PLTP: variants seen among roughly 807,000 people sequenced by gnomAD.
PLTP encodes the protein phospholipid transfer protein.
Under a neutral mutation model 54.1 loss-of-function variants are expected in PLTP, and 43 were observed. The observed-to-expected ratio is 0.79, with a 90% confidence interval of 0.62 to 1.02. The LOEUF (loss-of-function observed/expected upper bound fraction) is 1.02. Among genes scored for constraint, PLTP ranks in the 50% least tolerant of loss-of-function variants. PLTP has a pLI of 0.00. For missense variants in PLTP, 604 were observed against 645.9 expected (o/e 0.94, Z 0.70); for synonymous variants, 263 against 264.6 (o/e 0.99, Z 0.06).
chr20:45,911,925 C>T (rs2294212), intron 1 of PLTP, 154 bp downstream of exon 1: 1 of 237,672 alleles, frequency 4.2e-6, no homozygotes, highest in East Asian at 1.1e-4. Flanking sequence ...GGTCTCCCGG[C>T]TCCCTCAGGT....
rs1356077193 is a variant in PLTP, at chr20:45,907,952, C to T, written c.486-48G>A. The T allele has an allele frequency of 6.0e-6, 9 of 1,490,982 alleles. No homozygotes were observed. In the Admixed American group the frequency reaches 1.8e-4, roughly 29 times the overall value. 92.4% of individuals were successfully genotyped at this position (1,490,982 alleles called of 1,614,324 possible). A position where few individuals can be genotyped will look rare whatever the true frequency, so the allele number is the denominator to read the frequency against. On this transcript the variant is annotated intron_variant, in intron 5 of 15. Transcript: ENST00000372431. ...ATGAGCCCAGAACCTGCCTCCACCCCAGTCCAGGTCCAGGAGAAATCAGTG... is the reference window on the plus strand; with the variant it reads ...ATGAGCCCAGAACCTGCCTCCACCCTAGTCCAGGTCCAGGAGAAATCAGTG...
At position 45,899,480 on chromosome 20, in the gene PLTP, C is replaced by T. The variant is rs1247567793; in HGVS notation, c.1341G>A (p.Glu447=). 2 of 1,614,132 alleles carry T rather than the reference C, an allele frequency of 1.2e-6. No individual in the cohort carries two copies. The highest frequency in any genetic ancestry group is 8.5e-7 in the Non-Finnish European group (1 of 1,180,024). Residue 447 remains glutamate, a synonymous_variant, in exon 15 of 16, where the codon GAG becomes GAA. Transcript: ENST00000372431. The part of the protein sequence containing the change: ...PLPEGINFVH[E]VVTNHAGFLT... ...CACTCACCGCATGGTTCGTCACCAC[C>T]TCATGCACAAAGTTGATGCCCTCAG...
chr20:45,904,558 C>G (rs1301704899), intron 10 of PLTP, among the ~76,000 whole-genome samples: 1 of 152,250 alleles, frequency 6.6e-6, no homozygotes, highest in East Asian at 1.9e-4. Context: ...AGCCCTCACA[C>G]TTGCAAAGCT....
In PLTP at chr20:45,902,253, G is replaced by C; in HGVS notation, c.1175+14C>G. 6.2e-7 allele frequency: 1 copy of C among 1,613,084 alleles called. No individual in the cohort carries two copies. Among genetic ancestry groups the C allele is most frequent in the Non-Finnish European group, 8.5e-7 (1 of 1,179,592 alleles). Reference sequence around the variant, plus strand: ...CCTCCAATCACTGAGGTGCAGGGAAGTGCGCCTGCCTACCTGCGCAGGTCC... The same window carrying C: ...CCTCCAATCACTGAGGTGCAGGGAACTGCGCCTGCCTACCTGCGCAGGTCC... On this transcript the variant is annotated intron_variant, in intron 12 of 15. Transcript: ENST00000372431.
At chr20:45,903,830 CTT>C (rs994453824) in intron 10 of PLTP, among the ~76,000 whole-genome samples, 10 of 151,950 alleles carry the variant, frequency 6.6e-5, no homozygotes, top group Non-Finnish European at 1.2e-4. Flanking sequence ...CAGAGTGAGA[CTT>C]TGTCCCCCCA....
At position 45,909,726 on chromosome 20, in the gene PLTP, C is replaced by T. The variant is rs550747078; in HGVS notation, c.330-55G>A. The T allele has an allele frequency of 6.3e-6, 10 of 1,581,602 alleles. No homozygotes were observed. In the East Asian group the frequency reaches 1.6e-4, roughly 25 times the overall value. ...TAGGAGCTCAATTGAGTCTTCAGTG[C>T]CCCCATGCATCACCATACCTCTTAA... On this transcript the variant is annotated intron_variant, in intron 4 of 15. Coordinates refer to ENST00000372431, the MANE Select transcript of PLTP (RefSeq NM_006227.4).
In PLTP at chr20:45,899,603, C is replaced by T. The variant is rs1466288291; in HGVS notation, c.1282+19G>A. 5 of 1,614,134 alleles carry T rather than the reference C, an allele frequency of 3.1e-6. No homozygotes were observed. The highest frequency in any genetic ancestry group is 1.6e-4 in the Middle Eastern group (1 of 6,062). On this transcript the variant is annotated intron_variant, in intron 14 of 15. Transcript: ENST00000372431. ...GTTCACCCCTCCTTTCTTCCTCCATCCTCACACCCCAGCCTTACCATTGAG... is the reference window on the plus strand; with the variant it reads ...GTTCACCCCTCCTTTCTTCCTCCATTCTCACACCCCAGCCTTACCATTGAG...
At chr20:45,906,068 G>A (rs1019687338) in intron 8 of PLTP, among the ~76,000 whole-genome samples, 200 bp downstream of exon 8, 4 of 152,150 alleles carry the variant, frequency 2.6e-5, no homozygotes, top group Non-Finnish European at 4.4e-5. Context: ...TAAAAGGTGG[G>A]GCCAGGTAAG....
At chr20:45,903,223 A>G (rs557194625) in intron 10 of PLTP, among the ~76,000 whole-genome samples, 60 of 139,554 alleles carry the variant, frequency 4.3e-4, no homozygotes, top group Non-Finnish European at 8.3e-4. Context: ...TTTTTTTTTG[A>G]GACAGGGTCT....
At chr20:45,903,006 G>A (rs1276759275) in intron 10 of PLTP, among the ~76,000 whole-genome samples, 2 of 149,992 alleles carry the variant, frequency 1.3e-5, no homozygotes, top group Non-Finnish European at 3.0e-5. Context: ...AGGTTCAGGC[G>A]ATTCTCCCGC....
Position 45,911,263 on chromosome 20 carries a change from G to C in PLTP, c.101-12C>G, listed in dbSNP as rs765010314. ...CCCCTCCTGCTTCACTGAAGCAGCA[G>C]AGAAACCCTTACTTAGCTCCCGTGC... On this transcript the variant is annotated splice_polypyrimidine_tract_variant and intron_variant, in intron 2 of 15. Coordinates refer to ENST00000372431, the MANE Select transcript of PLTP (RefSeq NM_006227.4). The C allele has an allele frequency of 6.2e-6, 10 of 1,613,968 alleles. No homozygotes were observed. In the Admixed American group the frequency reaches 1.5e-4, roughly 24 times the overall value.
At chr20:45,908,243 C>G (rs2145839266) in intron 5 of PLTP, among the ~76,000 whole-genome samples, 1 of 152,270 alleles carries the variant, frequency 6.6e-6, no homozygotes, top group East Asian at 1.9e-4. Flanking sequence ...AGCTCAGATG[C>G]TTCCTCTTCC....
chr20:45,910,841 C>T (rs764427865), intron 3 of PLTP: 8 of 1,278,678 alleles, frequency 6.3e-6, no homozygotes, highest in Non-Finnish European at 8.0e-6. Context: ...AGACTCCACT[C>T]TCATCTATTG....
chr20:45,904,662 T>A, intron 10 of PLTP, 138 bp downstream of exon 10: 1 of 806,506 alleles, frequency 1.2e-6, no homozygotes, highest in South Asian at 1.4e-5. Context: ...GGAACAGCCA[T>A]GACAAGGCGA....
At chr20:45,903,585 A>G (rs1231884250) in intron 10 of PLTP, among the ~76,000 whole-genome samples, 4 of 152,178 alleles carry the variant, frequency 2.6e-5, no homozygotes, top group African/African-American at 9.7e-5. Flanking sequence ...AAGGAATACT[A>G]TAAGATGCAA....
At chr20:45,906,847 C>T (rs2083244122) in intron 7 of PLTP, among the ~76,000 whole-genome samples, 1 of 105,272 alleles carries the variant, frequency 9.5e-6, no homozygotes, top group South Asian at 2.9e-4. Context: ...GCCAGGATTG[C>T]ACCACTGCAC....
Position 45,907,881 on chromosome 20 carries a change from G to A in PLTP, c.509C>T (p.Thr170Met), listed in dbSNP as rs762228014. 36 of 1,587,662 alleles carry A rather than the reference G, an allele frequency of 2.3e-5. No individual in the cohort carries two copies. Among genetic ancestry groups the A allele is most frequent in the Admixed American group, 5.5e-5 (3 of 54,360 alleles). Residue 170 changes from threonine to methionine, a missense_variant, in exon 6 of 16, where the codon ACG becomes ATG. Physicochemically the swap from Thr to Met is moderately conservative, Grantham distance 81 (BLOSUM62 -1). Coordinates refer to ENST00000372431, the MANE Select transcript of PLTP (RefSeq NM_006227.4). ...GAAGCGCATCCCTGAGGTGATGAAC[G>A]TGGAGAGAAAATCATACACCTTCCT... ...TFKKVYDFLSTFITSGMRFLL... is the reference protein window; with the variant it reads ...TFKKVYDFLSMFITSGMRFLL...
intron 3 of PLTP, 108 bp from the exon 4 acceptor site, chr20:45,910,178 T>C: frequency 8.1e-7 from 1 of 1,237,230 alleles, no homozygotes; most frequent in South Asian, 1.2e-5. Flanking sequence ...GAAGCGGGAG[T>C]GGGTGGAATG....
At chr20:45,906,161 G>A in intron 8 of PLTP, 107 bp downstream of exon 8, 2 of 767,184 alleles carry the variant, frequency 2.6e-6, no homozygotes, top group South Asian at 2.9e-5. Flanking sequence ...TCAGTAATGG[G>A]AGTGGCCTCA....
Sources: allele counts gnomAD v4.1 joint callset (sites outside exome capture counted in the v4.1 genomes callset), GRCh38; gene constraint gnomAD v4.1.1; transcripts MANE v1.5; gene names NCBI Gene and HGNC (gene_info 2026-07-23, HGNC 2026-07-21).